COPG2: variants seen among roughly 807,000 people sequenced by gnomAD.
The protein encoded by COPG2 is coat protein complex I subunit gamma 2.
Under a neutral mutation model 46.3 loss-of-function variants are expected in COPG2, and 37 were observed. That is an observed-to-expected ratio of 0.80 (90% confidence interval 0.61 to 1.05). COPG2 has a LOEUF of 1.05. Among genes scored for constraint, COPG2 ranks in the 50% least tolerant of loss-of-function variants. The probability of loss-of-function intolerance (pLI) is 0.00; values close to 1 mark genes in which losing one functional copy is unlikely to be tolerated. For missense variants in COPG2, 427 were observed against 387.8 expected, an observed-to-expected ratio of 1.10 and a Z score of -0.85; for synonymous variants, 159 against 129.7, an observed-to-expected ratio of 1.23 and a Z score of -1.53.
At chr7:130,560,424 T>C (rs1245543870) in intron 12 of COPG2, among the ~76,000 whole-genome samples, 1 of 152,186 alleles carries the variant, frequency 6.6e-6, no homozygotes, top group Non-Finnish European at 1.5e-5. Flanking sequence ...AATTGATTTA[T>C]AGATTCAACA....
chr7:130,597,607 T>C (rs1246351608), intron 9 of COPG2, among the ~76,000 whole-genome samples: 1 of 150,272 alleles, frequency 6.7e-6, no homozygotes, highest in African/African-American at 2.5e-5. Flanking sequence ...GCCAGGCTTA[T>C]CTAAGAAAAA....
At chr7:130,650,026 G>A (rs1163780666) in intron 5 of COPG2, among the ~76,000 whole-genome samples, 2 of 152,184 alleles carry the variant, frequency 1.3e-5, no homozygotes, top group African/African-American at 4.8e-5. Flanking sequence ...CCGGAGGCTA[G>A]AAGGGTGAAT....
intron 5 of COPG2, among the ~76,000 whole-genome samples, chr7:130,620,084 C>A (rs571061661): frequency 6.6e-6 from 1 of 152,048 alleles, no homozygotes; most frequent in Non-Finnish European, 1.5e-5. Context: ...TATTTTAATA[C>A]GTAGCTATGT....
intron 20 of COPG2, among the ~76,000 whole-genome samples, chr7:130,516,611 G>T (rs1185144239): frequency 6.6e-6 from 1 of 152,150 alleles, no homozygotes; most frequent in Non-Finnish European, 1.5e-5. Context: ...GAATGAGGTA[G>T]GGGGCAGAAC....
rs1349694851 is a variant in COPG2, at chr7:130,613,540, T to C, written c.492+4A>G. ...AAGAACTAGGAAGCTGCTTGTTCACTTACCAGGGAAGATACCAGTGCTGAA... is the reference window on the plus strand; with the variant it reads ...AAGAACTAGGAAGCTGCTTGTTCACCTACCAGGGAAGATACCAGTGCTGAA... On this transcript the variant is annotated splice_donor_region_variant and intron_variant, in intron 7 of 23. Transcript: ENST00000425248. 5 of 1,566,102 alleles carry C rather than the reference T, an allele frequency of 3.2e-6. No individual in the cohort carries two copies. The highest frequency in any genetic ancestry group is 3.5e-6 in the Non-Finnish European group (4 of 1,144,716).
At chr7:130,541,421 G>T (rs1799936185) in intron 20 of COPG2, among the ~76,000 whole-genome samples, 1 of 151,978 alleles carries the variant, frequency 6.6e-6, no homozygotes, top group Non-Finnish European at 1.5e-5. Flanking sequence ...GGGAGGAGGT[G>T]GGAGGAGGGT....
chr7:130,657,508 C>A (rs369031365), intron 4 of COPG2, among the ~76,000 whole-genome samples: 45 of 152,152 alleles, frequency 3.0e-4, no homozygotes, highest in African/African-American at 9.1e-4. Flanking sequence ...TAAAAAGCAT[C>A]ACCTGTAACA....
At chr7:130,658,178 T>C (rs782614665) in intron 4 of COPG2, among the ~76,000 whole-genome samples, 1 of 151,846 alleles carries the variant, frequency 6.6e-6, no homozygotes, top group Non-Finnish European at 1.5e-5. Flanking sequence ...TAAACAGAGG[T>C]ACATCCATTC....
At chr7:130,647,361 T>A (rs1783718280) in intron 5 of COPG2, among the ~76,000 whole-genome samples, 1 of 152,114 alleles carries the variant, frequency 6.6e-6, no homozygotes, top group African/African-American at 2.4e-5. Flanking sequence ...TATAGCAGTA[T>A]GAAAATGGAC....
chr7:130,548,598 G>C, intron 18 of COPG2, 56 bp from the exon 19 acceptor site: 2 of 397,860 alleles, frequency 5.0e-6, no homozygotes, highest in Non-Finnish European at 4.4e-6. Flanking sequence ...CTTCAGTCTG[G>C]ATGCTTAAAA....
At chr7:130,651,793 G>A (rs1356524568) in intron 5 of COPG2, among the ~76,000 whole-genome samples, 3 of 151,948 alleles carry the variant, frequency 2.0e-5, no homozygotes, top group African/African-American at 7.3e-5. Context: ...TGGGATTACA[G>A]GTGTGAGCCA....
chr7:130,532,237 G>A (rs900993841), intron 20 of COPG2, among the ~76,000 whole-genome samples: 1 of 152,234 alleles, frequency 6.6e-6, no homozygotes, highest in Non-Finnish European at 1.5e-5. Context: ...ATGGGACCAC[G>A]GTGGTGCAGC....
At chr7:130,529,186 G>A (rs1799801642) in intron 20 of COPG2, among the ~76,000 whole-genome samples, 1 of 152,138 alleles carries the variant, frequency 6.6e-6, no homozygotes, top group African/African-American at 2.4e-5. Flanking sequence ...TAAAAAGGAT[G>A]GCAATGTTGG....
At chr7:130,662,933 T>C (rs1385793763) in intron 4 of COPG2, 34 bp downstream of exon 4, 1 of 1,306,168 alleles carries the variant, frequency 7.7e-7, no homozygotes, top group Non-Finnish European at 1.1e-6. Context: ...TAAAAGGAGG[T>C]TTTTCATCGT....
rs1351164233 is a variant in COPG2, at chr7:130,515,810, C to T, written c.2150-7151G>A. 4.6e-5 allele frequency among the ~76,000 whole-genome samples: 7 copies of T among 152,044 alleles called. No individual in the cohort carries two copies. In the East Asian group the frequency reaches 1.4e-3, roughly 29 times the overall value. On this transcript the variant is annotated intron_variant, in intron 20 of 23. Transcript: ENST00000425248. ...CAGTAAGCAGGCCAGTGAGGAAGGG[C>T]ACTGAAGCATGACAGGATGAGGAAT...
chr7:130,563,694 C>T (rs1034724785), intron 10 of COPG2, among the ~76,000 whole-genome samples: 141 of 136,842 alleles, frequency 1.0e-3, no homozygotes, highest in African/African-American at 3.5e-3. Context: ...GCAGAGCTTG[C>T]AGTGAGCCGA....
chr7:130,605,672 AC>A (rs782778607), intron 9 of COPG2: 8 of 507,522 alleles, frequency 1.6e-5, no homozygotes, highest in Non-Finnish European at 2.8e-5. Flanking sequence ...GGAAACAGAG[AC>A]CTACAACCTA....
At chr7:130,664,955 C>T (rs934840586) in intron 3 of COPG2, among the ~76,000 whole-genome samples, 20 of 152,064 alleles carry the variant, frequency 1.3e-4, no homozygotes, top group Non-Finnish European at 1.5e-4. Context: ...CTGAGGTGGG[C>T]GGATCACCTA....
chr7:130,579,635 A>G (rs1274089683), intron 9 of COPG2, among the ~76,000 whole-genome samples: 346 of 152,292 alleles, frequency 2.3e-3, no homozygotes, highest in Non-Finnish European at 4.1e-3. Flanking sequence ...ACAGGCTCAA[A>G]ATAAAAGGAT....
Sources: gnomAD v4.1 joint callset for allele counts (sites outside exome capture counted in the v4.1 genomes callset) on GRCh38, gnomAD v4.1.1 for gene constraint, MANE v1.5 for transcripts, NCBI Gene and HGNC (gene_info 2026-07-23, HGNC 2026-07-21) for gene names.